F13A1: variants seen among roughly 807,000 people sequenced by gnomAD.
F13A1 encodes the protein coagulation factor XIII A chain.
Under a neutral mutation model 80.1 loss-of-function variants are expected in F13A1, and 47 were observed. The observed-to-expected ratio is 0.59, with a 90% CI of 0.46 to 0.75. The LOEUF is 0.75. Among genes scored for constraint, F13A1 ranks in the 30% least tolerant of loss-of-function variants. F13A1 has a pLI of 0.00. For synonymous variants in F13A1, 349 were observed against 344.9 expected (o/e 1.01, Z -0.13); for missense variants, 817 against 930.4 (o/e 0.88, Z 1.59).
intron 3 of F13A1, among the ~76,000 whole-genome samples, chr6:6,271,181 C>T (rs912862809): frequency 6.6e-6 from 1 of 152,088 alleles, no homozygotes; most frequent in African/African-American, 2.4e-5. Flanking sequence ...ACCTGATGTG[C>T]CAATAGAACC....
chr6:6,204,539 T>C (rs1301831885), intron 8 of F13A1, among the ~76,000 whole-genome samples: 1 of 152,180 alleles, frequency 6.6e-6, no homozygotes, highest in Non-Finnish European at 1.5e-5. Context: ...ACAATATTGT[T>C]GACAATAATG....
intron 2 of F13A1, among the ~76,000 whole-genome samples, chr6:6,311,080 T>C (rs1755773314): frequency 6.6e-6 from 1 of 151,982 alleles, no homozygotes; most frequent in South Asian, 2.1e-4. Context: ...CTTTGTATTA[T>C]CTTTATATAG....
chr6:6,317,857 T>C (rs1400609271), intron 2 of F13A1, among the ~76,000 whole-genome samples: 1 of 152,194 alleles, frequency 6.6e-6, no homozygotes, highest in Non-Finnish European at 1.5e-5. Context: ...CCCAGGGGAA[T>C]GATGTCTGTA....
intron 4 of F13A1, among the ~76,000 whole-genome samples, chr6:6,264,120 C>G (rs1231339510): frequency 6.6e-6 from 1 of 152,154 alleles, no homozygotes; most frequent in Admixed American, 6.5e-5. Context: ...ATCAAGGCAG[C>G]AATTAGAAGG....
At chr6:6,174,471 T>C (rs971251396) in intron 12 of F13A1, 109 bp downstream of exon 12, 2 of 1,205,928 alleles carry the variant, frequency 1.7e-6, no homozygotes, top group African/African-American at 1.5e-5. Context: ...ACTTCTGAGA[T>C]CTTGGAGGGA....
intron 14 of F13A1, among the ~76,000 whole-genome samples, chr6:6,147,590 G>A (rs1279760162): frequency 6.6e-6 from 1 of 151,986 alleles, no homozygotes; most frequent in African/African-American, 2.4e-5. Flanking sequence ...CTCTCCTCTG[G>A]TTCCCCCAAG....
intron 8 of F13A1, among the ~76,000 whole-genome samples, chr6:6,216,263 C>G (rs1191506170): frequency 1.3e-5 from 2 of 151,946 alleles, no homozygotes; most frequent in African/African-American, 2.4e-5. Flanking sequence ...ATCACACTAC[C>G]TGACTTCAAA....
At chr6:6,190,091 T>C (rs1294449983) in intron 10 of F13A1, among the ~76,000 whole-genome samples, 3 of 152,140 alleles carry the variant, frequency 2.0e-5, no homozygotes, top group Non-Finnish European at 4.4e-5. Flanking sequence ...CTTTAAGCAC[T>C]TCTCTGTATT....
At chr6:6,206,550 G>A in intron 8 of F13A1, 1 of 497,082 alleles carries the variant, frequency 2.0e-6, no homozygotes, top group Non-Finnish European at 4.1e-6. Flanking sequence ...TGAGTGGAAT[G>A]AGGGCTTCAG....
At chr6:6,283,362 C>G (rs1335801323) in intron 3 of F13A1, among the ~76,000 whole-genome samples, 1 of 152,114 alleles carries the variant, frequency 6.6e-6, no homozygotes, top group Non-Finnish European at 1.5e-5. Context: ...CATTACTGAA[C>G]AAGTAGAAAA....
intron 3 of F13A1, among the ~76,000 whole-genome samples, chr6:6,268,682 C>G (rs942377687): frequency 6.8e-6 from 1 of 148,064 alleles, no homozygotes; most frequent in African/African-American, 2.5e-5. Context: ...GCTGAGGGGG[C>G]ACTCATTTTT....
chr6:6,282,513 A>C (rs982733881), intron 3 of F13A1, among the ~76,000 whole-genome samples: 2 of 152,246 alleles, frequency 1.3e-5, no homozygotes, highest in African/African-American at 4.8e-5. Flanking sequence ...AATTTCCTAT[A>C]AAGTACTTAT....
At position 6,166,634 on chromosome 6, in the gene F13A1, C is replaced by T. The variant is rs3024450; in HGVS notation, c.1908+824G>A. ...GGTTCCTGCTTCCAGGGCAGGAAGG[C>T]GTCTCATGGATGCAACCACAGATGC... On this transcript the variant is annotated intron_variant, in intron 13 of 14. Coordinates refer to ENST00000264870, the MANE Select transcript of F13A1 (RefSeq NM_000129.4). Among the ~76,000 whole-genome samples, 1,298 of 152,226 alleles carry T rather than the reference C, an allele frequency of 8.5e-3. 18 individuals carry two copies. The highest frequency in any genetic ancestry group is 0.029 in the African/African-American group (1,218 of 41,528).
At chr6:6,307,126 C>T (rs758788500) in intron 2 of F13A1, among the ~76,000 whole-genome samples, 5 of 152,170 alleles carry the variant, frequency 3.3e-5, no homozygotes, top group Non-Finnish European at 5.9e-5. Context: ...AATGAGATAA[C>T]GGTGCAGTGG....
At chr6:6,270,095 C>T (rs955906371) in intron 3 of F13A1, among the ~76,000 whole-genome samples, 1 of 152,184 alleles carries the variant, frequency 6.6e-6, no homozygotes, top group African/African-American at 2.4e-5. Flanking sequence ...CAACCCTACT[C>T]TTGTAAGAGC....
At chr6:6,176,996 C>T (rs371231913) in intron 11 of F13A1, among the ~76,000 whole-genome samples, 36 of 152,152 alleles carry the variant, frequency 2.4e-4, no homozygotes, top group African/African-American at 8.0e-4. Flanking sequence ...TTCCAGGAAG[C>T]GCAGGCCCAG....
intron 13 of F13A1, among the ~76,000 whole-genome samples, chr6:6,155,981 G>A (rs1291068615): frequency 6.6e-6 from 1 of 152,032 alleles, no homozygotes; most frequent in African/African-American, 2.4e-5. Flanking sequence ...GAGCCTTCAG[G>A]CAATTTAGAG....
chr6:6,179,547 T>TG (rs1028518079), intron 11 of F13A1, among the ~76,000 whole-genome samples: 4 of 152,194 alleles, frequency 2.6e-5, no homozygotes, highest in African/African-American at 9.6e-5. Context: ...TGCATGCCAG[T>TG]GGCCAATGGC....
intron 10 of F13A1, among the ~76,000 whole-genome samples, chr6:6,190,611 C>T (rs944720335): frequency 1.2e-4 from 18 of 151,976 alleles, no homozygotes; most frequent in Non-Finnish European, 2.5e-4. Flanking sequence ...GCTGGGAGAA[C>T]CAGTGCTCTC....
Sources: allele counts gnomAD v4.1 joint callset (sites outside exome capture counted in the v4.1 genomes callset), GRCh38; gene constraint gnomAD v4.1.1; transcripts MANE v1.5; gene names NCBI Gene and HGNC (gene_info 2026-07-23, HGNC 2026-07-21).